The following SH3RF3 variants were observed in gnomAD, a reference collection of about 807,000 sequenced individuals.
SH3RF3 encodes SH3 domain containing ring finger 3.
In SH3RF3, 29 loss-of-function variants were observed where a neutral mutation model predicts 66.3. The observed-to-expected ratio is 0.44, with a 90% CI of 0.33 to 0.60. SH3RF3 has a LOEUF of 0.60. Ranked by LOEUF, SH3RF3 falls within the 20% of genes least tolerant of loss-of-function variation. SH3RF3 has a pLI of 0.04. For synonymous variants in SH3RF3, 583 were observed against 532.0 expected (o/e 1.10, Z -1.32); for missense variants, 1,194 against 1,190.9 (o/e 1.00, Z -0.04).
intron 1 of SH3RF3, among the ~76,000 whole-genome samples, chr2:109,223,101 CAG>C (rs893791268): frequency 1.4e-4 from 21 of 152,384 alleles, no homozygotes; most frequent in East Asian, 3.9e-4. Context: ...CCATCCCAGA[CAG>C]GGGGAAGCAG....
chr2:109,214,473 GAA>G (rs5833323), intron 1 of SH3RF3, among the ~76,000 whole-genome samples: 3 of 130,366 alleles, frequency 2.3e-5, no homozygotes, highest in East Asian at 2.1e-4. Context: ...ATAGAAAAGA[GAA>G]AAAAAAAAAA....
intron 8 of SH3RF3, among the ~76,000 whole-genome samples, chr2:109,487,478 C>T (rs922509508): frequency 6.6e-6 from 1 of 152,216 alleles, no homozygotes; most frequent in Non-Finnish European, 1.5e-5. Context: ...GGAAGGCGGA[C>T]GTTTTGGAGA....
intron 1 of SH3RF3, among the ~76,000 whole-genome samples, chr2:109,286,176 A>G (rs1298715701): frequency 6.6e-6 from 1 of 152,116 alleles, no homozygotes; most frequent in Admixed American, 6.5e-5. Flanking sequence ...CAAGGATTTC[A>G]TTTCACTTTC....
chr2:109,420,255 C>G (rs773240783), intron 5 of SH3RF3, among the ~76,000 whole-genome samples: 10 of 152,106 alleles, frequency 6.6e-5, no homozygotes, highest in Non-Finnish European at 1.2e-4. Flanking sequence ...AATTAGACTC[C>G]CTTTTGCTCT....
intron 1 of SH3RF3, among the ~76,000 whole-genome samples, chr2:109,131,406 C>T (rs1676691528): frequency 6.6e-6 from 1 of 152,150 alleles, no homozygotes; most frequent in South Asian, 2.1e-4. Flanking sequence ...ACTTTTCCTT[C>T]CTGGCCTTGC....
intron 1 of SH3RF3, among the ~76,000 whole-genome samples, chr2:109,292,802 G>T (rs1681219119): frequency 6.6e-6 from 1 of 152,056 alleles, no homozygotes; most frequent in South Asian, 2.1e-4. Flanking sequence ...GCATGATCTT[G>T]GCTCACTGCA....
At chr2:109,344,034 A>C (rs55844840) in intron 1 of SH3RF3, among the ~76,000 whole-genome samples, 45,779 of 152,062 alleles carry the variant, frequency 0.3, 7,874 homozygotes, top group East Asian at 0.59. Flanking sequence ...GTGAGCCACC[A>C]TACCCGTCCC....
intron 3 of SH3RF3, among the ~76,000 whole-genome samples, chr2:109,389,731 CTAGA>C (rs1675929787): frequency 6.6e-6 from 1 of 152,130 alleles, no homozygotes; most frequent in Non-Finnish European, 1.5e-5. Context: ...ATTTGGTCCA[CTAGA>C]TAAATACACC....
chr2:109,362,803 C>G (rs1159826812), intron 2 of SH3RF3, among the ~76,000 whole-genome samples: 1 of 151,982 alleles, frequency 6.6e-6, no homozygotes, highest in East Asian at 1.9e-4. Flanking sequence ...GGAATTGACC[C>G]CTTCGTCATT....
chr2:109,339,797 C>G (rs368854319), intron 1 of SH3RF3, among the ~76,000 whole-genome samples: 12 of 152,318 alleles, frequency 7.9e-5, no homozygotes, highest in African/African-American at 2.4e-4. Flanking sequence ...CAATGCATCT[C>G]TGAATTGGAT....
At chr2:109,222,128 A>T (rs1386758438) in intron 1 of SH3RF3, among the ~76,000 whole-genome samples, 1 of 151,722 alleles carries the variant, frequency 6.6e-6, no homozygotes, top group Non-Finnish European at 1.5e-5. Context: ...TCTCACTCAT[A>T]TGTGGAAGCT....
chr2:109,202,004 C>G (rs1678686591), intron 1 of SH3RF3, among the ~76,000 whole-genome samples: 1 of 152,224 alleles, frequency 6.6e-6, no homozygotes. Flanking sequence ...AAACGGGACA[C>G]AGGCACAGAA....
At chr2:109,226,412 A>G (rs1422778280) in intron 1 of SH3RF3, among the ~76,000 whole-genome samples, 1 of 152,200 alleles carries the variant, frequency 6.6e-6, no homozygotes, top group Non-Finnish European at 1.5e-5. Context: ...AACTGGAGCC[A>G]TGTGAGGTCT....
chr2:109,268,487 T>C (rs1379020100), intron 1 of SH3RF3, among the ~76,000 whole-genome samples: 4 of 152,132 alleles, frequency 2.6e-5, no homozygotes, highest in Non-Finnish European at 5.9e-5. Context: ...CTCCCCTCAG[T>C]GGCCTCCCAA....
chr2:109,132,750 G>A (rs761753212), intron 1 of SH3RF3, among the ~76,000 whole-genome samples: 1 of 152,142 alleles, frequency 6.6e-6, no homozygotes, highest in Non-Finnish European at 1.5e-5. Flanking sequence ...AAATTTCTCA[G>A]GCTAACTTGT....
intron 1 of SH3RF3, chr2:109,251,737 A>G (rs1680097061): frequency 9.1e-6 from 6 of 659,186 alleles, no homozygotes; most frequent in Non-Finnish European, 1.3e-5. Context: ...GTACATTTTC[A>G]TATTAGACTT....
intron 1 of SH3RF3, among the ~76,000 whole-genome samples, chr2:109,259,273 G>A (rs1018408522): frequency 6.6e-6 from 1 of 152,182 alleles, no homozygotes; most frequent in Admixed American, 6.5e-5. Context: ...AGCTGCTGCT[G>A]GCTCCTGAAC....
chr2:109,411,509 G>C (rs898585303), intron 4 of SH3RF3, among the ~76,000 whole-genome samples: 1 of 152,218 alleles, frequency 6.6e-6, no homozygotes. Flanking sequence ...GCAAATTGCT[G>C]CTCGTTTGCA....
At chr2:109,316,919 T>G (rs1214032348) in intron 1 of SH3RF3, among the ~76,000 whole-genome samples, 1 of 152,230 alleles carries the variant, frequency 6.6e-6, no homozygotes, top group East Asian at 1.9e-4. Flanking sequence ...CTTTTCAGAC[T>G]GGCTTCTCTC....
Sources: gnomAD v4.1 joint callset for allele counts (sites outside exome capture counted in the v4.1 genomes callset) on GRCh38, gnomAD v4.1.1 for gene constraint, MANE v1.5 for transcripts, NCBI Gene and HGNC (gene_info 2026-07-23, HGNC 2026-07-21) for gene names.